The following CYRIA variants were observed in gnomAD, a reference collection of about 807,000 sequenced individuals.
The protein encoded by CYRIA is CYFIP-related Rac1 interactor A.
CYRIA carries 15 observed loss-of-function variants against 43.9 expected under a neutral mutation model. That is an observed-to-expected ratio of 0.34 (90% CI 0.23 to 0.53). The LOEUF (loss-of-function observed/expected upper bound fraction) is 0.53, where lower values mean the gene tolerates loss of function less well. Among genes scored for constraint, CYRIA ranks in the 20% least tolerant of loss-of-function variants. CYRIA has a pLI of 0.94. For synonymous variants in CYRIA, 117 were observed against 136.0 expected, an observed-to-expected ratio of 0.86 and a Z score of 0.97; for missense variants, 236 against 394.2, an observed-to-expected ratio of 0.60 and a Z score of 3.40.
At chr2:16,614,329 C>T (rs1668705233) in intron 2 of CYRIA, among the ~76,000 whole-genome samples, 1 of 152,196 alleles carries the variant, frequency 6.6e-6, no homozygotes. Context: ...CCTCATGGAA[C>T]TTCCCTGTTT....
intron 3 of CYRIA, among the ~76,000 whole-genome samples, chr2:16,570,902 C>A (rs1175963667): frequency 6.6e-6 from 1 of 152,074 alleles, no homozygotes; most frequent in Non-Finnish European, 1.5e-5. Flanking sequence ...AATTATTTCA[C>A]GGAAATTGAG....
intron 3 of CYRIA, among the ~76,000 whole-genome samples, chr2:16,582,426 T>A (rs1667582658): frequency 6.6e-6 from 1 of 152,228 alleles, no homozygotes; most frequent in Non-Finnish European, 1.5e-5. Context: ...ATATTCTTAG[T>A]GTTGTGCAAC....
At chr2:16,647,912 C>A (rs1312037793) in intron 1 of CYRIA, among the ~76,000 whole-genome samples, 1 of 152,202 alleles carries the variant, frequency 6.6e-6, no homozygotes, top group South Asian at 2.1e-4. Flanking sequence ...TGAGAGGCTC[C>A]TGTTGGAGCC....
At chr2:16,553,731 T>C (rs6743040) in intron 11 of CYRIA, among the ~76,000 whole-genome samples, 24,391 of 152,104 alleles carry the variant, frequency 0.16, 3,646 homozygotes, top group East Asian at 0.64. Context: ...TATTTTGCTA[T>C]CTGGAAAGCC....
At chr2:16,566,753 C>T (rs1304418046) in intron 3 of CYRIA, among the ~76,000 whole-genome samples, 1 of 152,152 alleles carries the variant, frequency 6.6e-6, no homozygotes, top group African/African-American at 2.4e-5. Context: ...TTCCCGTGAG[C>T]ATTTCATGGG....
At chr2:16,652,651 G>A (rs1488300020) in intron 1 of CYRIA, among the ~76,000 whole-genome samples, 1 of 152,188 alleles carries the variant, frequency 6.6e-6, no homozygotes, top group Non-Finnish European at 1.5e-5. Flanking sequence ...AAAGTGGAGA[G>A]TGGAAAGTCT....
intron 3 of CYRIA, among the ~76,000 whole-genome samples, chr2:16,583,685 G>A (rs1667628128): frequency 6.6e-6 from 1 of 152,150 alleles, no homozygotes; most frequent in Admixed American, 6.5e-5. Flanking sequence ...GCCATCACTC[G>A]TGAAAGATTA....
At chr2:16,639,086 G>A (rs1006880981) in intron 1 of CYRIA, among the ~76,000 whole-genome samples, 3 of 152,324 alleles carry the variant, frequency 2.0e-5, no homozygotes, top group African/African-American at 7.2e-5. Flanking sequence ...GGGAGGGAGA[G>A]TATGAAGCAT....
At chr2:16,593,680 A>ATT (rs1187434735) in intron 2 of CYRIA, among the ~76,000 whole-genome samples, 40 of 76,804 alleles carry the variant, frequency 5.2e-4, no homozygotes, top group Admixed American at 8.1e-4. Flanking sequence ...ATTTAACTTT[A>ATT]TTTTTTTGTG....
chr2:16,612,096 G>A (rs1668626103), intron 2 of CYRIA, among the ~76,000 whole-genome samples: 1 of 152,182 alleles, frequency 6.6e-6, no homozygotes, highest in South Asian at 2.1e-4. Flanking sequence ...CTCCTCCTAG[G>A]AGGTGAAGAC....
intron 11 of CYRIA, 146 bp from the exon 12 acceptor site, chr2:16,553,145 A>G: frequency 1.6e-6 from 1 of 636,690 alleles, no homozygotes; most frequent in South Asian, 1.9e-5. Context: ...GTCATCTCAG[A>G]TTTAATATTT....
intron 1 of CYRIA, among the ~76,000 whole-genome samples, chr2:16,643,510 A>G (rs538637011): frequency 6.6e-6 from 1 of 152,368 alleles, no homozygotes; most frequent in Non-Finnish European, 1.5e-5. Flanking sequence ...TGCTTTTTAC[A>G]TAAACTTTTA....
chr2:16,647,951 C>T (rs1373435562), intron 1 of CYRIA, among the ~76,000 whole-genome samples: 1 of 152,186 alleles, frequency 6.6e-6, no homozygotes, highest in African/African-American at 2.4e-5. Context: ...GGCCCACGGC[C>T]CTGTCCAACC....
intron 1 of CYRIA, among the ~76,000 whole-genome samples, chr2:16,640,655 G>A (rs1317272843): frequency 6.6e-6 from 1 of 152,152 alleles, no homozygotes; most frequent in East Asian, 1.9e-4. Flanking sequence ...AAAATTACTG[G>A]TGATGCTGCA....
intron 10 of CYRIA, among the ~76,000 whole-genome samples, chr2:16,557,881 A>G (rs1666583488): frequency 1.3e-5 from 2 of 152,142 alleles, no homozygotes; most frequent in Non-Finnish European, 2.9e-5. Flanking sequence ...CAGGTAATGA[A>G]CTCAACCCAT....
chr2:16,634,356 C>T (rs1461012012), intron 1 of CYRIA, among the ~76,000 whole-genome samples: 1 of 152,194 alleles, frequency 6.6e-6, no homozygotes, highest in Non-Finnish European at 1.5e-5. Flanking sequence ...CCCCCACTGT[C>T]ACCACTTTGA....
At chr2:16,589,199 T>C (rs1189529177) in intron 2 of CYRIA, among the ~76,000 whole-genome samples, 1 of 152,100 alleles carries the variant, frequency 6.6e-6, no homozygotes, top group Non-Finnish European at 1.5e-5. Context: ...AAGGATCAGT[T>C]TGAAAAATTA....
chr2:16,561,025 T>C lies in CYRIA; in HGVS notation c.675A>G (p.Thr225=), dbSNP rs143731081. 1 of 1,613,700 alleles carries C rather than the reference T, an allele frequency of 6.2e-7. No homozygotes were observed. The change falls in exon 9 of 12, where the codon ACA becomes ACG. Residue 225 remains threonine, a synonymous_variant. Transcript: ENST00000381323. The part of the protein sequence containing the change: ...PIENTTDCLS[T]MTSVCKVMLE... ...GCATGACTTTACAGACACTTGTCAT[T>C]GTGCTGAGGCAGTCTGTGGTGTTCT...
At chr2:16,664,203 C>T (rs1303844162) in intron 1 of CYRIA, among the ~76,000 whole-genome samples, 2 of 152,140 alleles carry the variant, frequency 1.3e-5, no homozygotes, top group African/African-American at 4.8e-5. Context: ...AGCCAGAGCC[C>T]AGAGGCAGGA....
Sources: allele counts gnomAD v4.1 joint callset (sites outside exome capture counted in the v4.1 genomes callset), GRCh38; gene constraint gnomAD v4.1.1; transcripts MANE v1.5; gene names NCBI Gene and HGNC (gene_info 2026-07-23, HGNC 2026-07-21).